The following NEK1 variants were observed in gnomAD, a reference collection of about 807,000 sequenced individuals.
NEK1 encodes the protein NIMA related kinase 1, also known as serine/threonine-protein kinase Nek1.
NEK1 carries 137 observed loss-of-function variants against 182.1 expected under a neutral mutation model. That is an observed-to-expected ratio of 0.75 (90% CI 0.65 to 0.87). The LOEUF (loss-of-function observed/expected upper bound fraction) is 0.87. NEK1 is among the 40% of genes least tolerant of loss of function. NEK1 has a pLI of 0.00. For synonymous variants in NEK1, 513 were observed against 492.2 expected, an observed-to-expected ratio of 1.04 and a Z score of -0.56; for missense variants, 1,391 against 1,494.4, an observed-to-expected ratio of 0.93 and a Z score of 1.14.
intron 2 of NEK1, among the ~76,000 whole-genome samples, chr4:169,607,306 A>G (rs1036643633): frequency 1.3e-5 from 2 of 152,226 alleles, no homozygotes; most frequent in African/African-American, 4.8e-5. Flanking sequence ...ACAAAAACAG[A>G]TATAGACTCA....
rs752830071 is a variant in NEK1, at chr4:169,433,624, C to T, written c.2806G>A (p.Gly936Arg). Reference sequence around the variant, plus strand: ...GGCAAGCTCTCATCTTTGTTTGTTCCACTTGGCTCTTGTAGAATTTCTGTT... The same window carrying T: ...GGCAAGCTCTCATCTTTGTTTGTTCTACTTGGCTCTTGTAGAATTTCTGTT... ...LETEILQEPSGTNKDESLPCT... is the reference protein window; with the variant it reads ...LETEILQEPSRTNKDESLPCT... The change falls in exon 29 of 36, where the codon GGA becomes AGA. Residue 936 changes from glycine (G) to arginine (R), a missense_variant. Physicochemically the swap from Gly to Arg is moderately radical, Grantham distance 125. Transcript: ENST00000507142. The T allele has an allele frequency of 1.3e-5, 21 of 1,613,228 alleles. No homozygotes were observed. The Middle Eastern group carries it at 4.9e-4, about 38-fold the overall frequency.
At chr4:169,476,156 C>T (rs1561255213) in intron 26 of NEK1, among the ~76,000 whole-genome samples, 1 of 152,062 alleles carries the variant, frequency 6.6e-6, no homozygotes. Flanking sequence ...TGCTCAAAAC[C>T]AGTGATAAAG....
chr4:169,501,027 A>T (rs1179271122), intron 23 of NEK1, among the ~76,000 whole-genome samples: 1 of 152,236 alleles, frequency 6.6e-6, no homozygotes, highest in African/African-American at 2.4e-5. Flanking sequence ...ACATGTAATG[A>T]CACCCAAAGG....
At chr4:169,569,622 C>T in intron 12 of NEK1, among the ~76,000 whole-genome samples, 1 of 152,104 alleles carries the variant, frequency 6.6e-6, no homozygotes, top group African/African-American at 2.4e-5. Context: ...CTGCCGAGTG[C>T]CTGCGATTGC....
At chr4:169,464,514 A>G (rs1283743975) in intron 26 of NEK1, among the ~76,000 whole-genome samples, 1 of 152,066 alleles carries the variant, frequency 6.6e-6, no homozygotes, top group Non-Finnish European at 1.5e-5. Context: ...TTTGACTTTG[A>G]CACATCACAT....
chr4:169,542,327 T>C (rs1759583488), intron 18 of NEK1, among the ~76,000 whole-genome samples: 1 of 152,218 alleles, frequency 6.6e-6, no homozygotes, highest in South Asian at 2.1e-4. Context: ...GCAAAGGACA[T>C]GAACTCATTC....
intron 27 of NEK1, among the ~76,000 whole-genome samples, chr4:169,440,735 G>T (rs967384086): frequency 1.3e-5 from 2 of 152,312 alleles, no homozygotes; most frequent in East Asian, 3.9e-4. Flanking sequence ...GATCCCCAGT[G>T]CTCCATGTTC....
intron 31 of NEK1, among the ~76,000 whole-genome samples, chr4:169,424,224 G>A (rs558788991): frequency 8.5e-5 from 13 of 152,170 alleles, no homozygotes; most frequent in Non-Finnish European, 1.6e-4. Flanking sequence ...GTCTATTTAA[G>A]ATATATTGCT....
At chr4:169,552,843 AC>A (rs1261276814) in intron 18 of NEK1, among the ~76,000 whole-genome samples, 2 of 151,994 alleles carry the variant, frequency 1.3e-5, no homozygotes, top group Admixed American at 1.3e-4. Context: ...TTTCATTAGC[AC>A]CCCCCAACAT....
At chr4:169,399,308 G>A (rs1410685034) in intron 35 of NEK1, among the ~76,000 whole-genome samples, 1 of 151,938 alleles carries the variant, frequency 6.6e-6, no homozygotes, top group Admixed American at 6.6e-5. Context: ...CAGGCGCAGT[G>A]GCTCACATTT....
intron 31 of NEK1, among the ~76,000 whole-genome samples, chr4:169,418,968 A>G (rs189301417): frequency 1.3e-4 from 20 of 152,278 alleles, no homozygotes; most frequent in Admixed American, 3.9e-4. Context: ...AGATTATAAT[A>G]AAGCTGAAAA....
At chr4:169,596,537 A>G (rs973005825) in intron 5 of NEK1, among the ~76,000 whole-genome samples, 4 of 152,208 alleles carry the variant, frequency 2.6e-5, no homozygotes, top group African/African-American at 9.7e-5. Flanking sequence ...ATTATTTTCT[A>G]TTAATAAAGT....
At chr4:169,544,242 T>C (rs1759969440) in intron 18 of NEK1, among the ~76,000 whole-genome samples, 1 of 152,236 alleles carries the variant, frequency 6.6e-6, no homozygotes, top group Non-Finnish European at 1.5e-5. Context: ...TTTTTGTCAT[T>C]AGTTCTGTTT....
At chr4:169,531,155 T>C (rs540651791) in intron 19 of NEK1, among the ~76,000 whole-genome samples, 2 of 152,074 alleles carry the variant, frequency 1.3e-5, no homozygotes, top group Non-Finnish European at 2.9e-5. Flanking sequence ...ATCAAGAGAA[T>C]GTGGTATCGT....
At chr4:169,449,129 G>C (rs1227304456) in intron 27 of NEK1, among the ~76,000 whole-genome samples, 1 of 152,248 alleles carries the variant, frequency 6.6e-6, no homozygotes, top group African/African-American at 2.4e-5. Flanking sequence ...GCTGAGGCTT[G>C]AGTAGGTAAA....
chr4:169,397,506 C>A (rs1480128889), intron 35 of NEK1, among the ~76,000 whole-genome samples: 1 of 151,966 alleles, frequency 6.6e-6, no homozygotes. Flanking sequence ...TAAGCTACAC[C>A]TGCTGTAATG....
At position 169,555,718 on chromosome 4, in the gene NEK1, AC is replaced by A; in HGVS notation, c.1562+1del. Reference sequence around the variant, plus strand: ...TGAATTCATGGATCATCACAGTCCAACCTGTTTGCATTGGCTTGTTTAGACA... The same window carrying A: ...TGAATTCATGGATCATCACAGTCCAACTGTTTGCATTGGCTTGTTTAGACA... On this transcript the variant is annotated splice_donor_variant, in intron 18 of 35. Coordinates refer to ENST00000507142, the MANE Select transcript of NEK1 (RefSeq NM_001199397.3). LOFTEE classifies it high-confidence loss of function. 6.2e-7 allele frequency: 1 copy of A among 1,613,770 alleles called. No homozygotes were observed. The highest frequency in any genetic ancestry group is 8.5e-7 in the Non-Finnish European group (1 of 1,179,730).
chr4:169,591,423 T>C (rs1320045897), intron 5 of NEK1, among the ~76,000 whole-genome samples: 1 of 152,048 alleles, frequency 6.6e-6, no homozygotes. Context: ...CCTCCTGCCT[T>C]GGCCTCCCAA....
chr4:169,565,863 G>T (rs953612750), intron 12 of NEK1, among the ~76,000 whole-genome samples: 1 of 152,176 alleles, frequency 6.6e-6, no homozygotes, highest in African/African-American at 2.4e-5. Flanking sequence ...TGATAAAAAT[G>T]TTCTAAAATT....
Sources: allele counts gnomAD v4.1 joint callset (sites outside exome capture counted in the v4.1 genomes callset), GRCh38; gene constraint gnomAD v4.1.1; transcripts MANE v1.5; gene names NCBI Gene and HGNC (gene_info 2026-07-23, HGNC 2026-07-21).